NBEAL2: variants seen among roughly 807,000 people sequenced by gnomAD.
NBEAL2 encodes the protein neurobeachin-like protein 2.
In NBEAL2, 160 loss-of-function variants were observed where a neutral mutation model predicts 299.8. The ratio of observed to expected loss-of-function variants is 0.53; its 90% CI spans 0.47 to 0.61. The LOEUF (loss-of-function observed/expected upper bound fraction) is 0.61. NBEAL2 is among the 20% of genes least tolerant of loss of function. The pLI, the probability that NBEAL2 is intolerant of heterozygous loss-of-function variation, is 0.00. For synonymous variants in NBEAL2, 1,493 were observed against 1,542.3 expected (o/e 0.97, Z 0.75); for missense variants, 3,112 against 3,649.0 (o/e 0.85, Z 3.79).
In NBEAL2 at chr3:47,001,271, C is replaced by T. The variant is rs145760682; in HGVS notation, c.4485-8C>T. 4.8e-3 allele frequency: 7,651 copies of T among 1,602,400 alleles called. 30 individuals carry two copies. Among genetic ancestry groups the T allele is most frequent in the Non-Finnish European group, 5.9e-3 (6,857 of 1,171,046 alleles). ...GGTAGACCCTTGAGTTCCCCACTCACCCGCCAGCCTCCTGGAGATGATGCT... is the reference window on the plus strand; with the variant it reads ...GGTAGACCCTTGAGTTCCCCACTCATCCGCCAGCCTCCTGGAGATGATGCT... On this transcript the variant is annotated splice_region_variant and splice_polypyrimidine_tract_variant and intron_variant, in intron 28 of 53. Transcript: ENST00000450053. The surrounding 1 kb of genome is among the most constrained non-coding windows in gnomAD (Gnocchi z 6.1).
Position 47,001,662 on chromosome 3 carries a change from C to T in NBEAL2, c.4645-27C>T. The stretch of plus-strand genomic sequence containing the variant: ...GACTCCTGGCCTCCCCTGGTGATGT[C>T]TGTTGGGAACCTGTTTTCTGTGGCA... On this transcript the variant is annotated intron_variant, in intron 29 of 53. Transcript: ENST00000450053. This position sits in a 1 kb window ranked among gnomAD's most constrained non-coding sequence, Gnocchi z 6.1. 6.2e-7 allele frequency: 1 copy of T among 1,607,378 alleles called. No individual in the cohort carries two copies. The highest frequency in any genetic ancestry group is 8.5e-7 in the Non-Finnish European group (1 of 1,174,752).
At position 47,007,227 on chromosome 3, in the gene NBEAL2, C is replaced by G. The variant is rs1269713253; in HGVS notation, c.7225-14C>G. 1 of 1,610,546 alleles carries G rather than the reference C, an allele frequency of 6.2e-7. No homozygotes were observed. Among genetic ancestry groups the G allele is most frequent in the Non-Finnish European group, 8.5e-7 (1 of 1,178,358 alleles). On this transcript the variant is annotated splice_polypyrimidine_tract_variant and intron_variant, in intron 46 of 53. Coordinates refer to ENST00000450053, the MANE Select transcript of NBEAL2 (RefSeq NM_015175.3). ...CTCTGCCAGAAACCCACCTCTGCCCCCTCCTGCCTGCAGGTGACTGTGAGT... is the reference window on the plus strand; with the variant it reads ...CTCTGCCAGAAACCCACCTCTGCCCGCTCCTGCCTGCAGGTGACTGTGAGT...
At position 46,991,348 on chromosome 3, in the gene NBEAL2, A is replaced by G. The variant is rs987292453; in HGVS notation, c.642+44A>G. ...CTGTGGACTAGAGAGCAGCTCTTTCAGTATCTCTCTGCTGGGTGAGCCCCT... is the reference window on the plus strand; with the variant it reads ...CTGTGGACTAGAGAGCAGCTCTTTCGGTATCTCTCTGCTGGGTGAGCCCCT... On this transcript the variant is annotated intron_variant, in intron 7 of 53. Coordinates refer to ENST00000450053, the MANE Select transcript of NBEAL2 (RefSeq NM_015175.3). This position sits in a 1 kb window ranked among gnomAD's most constrained non-coding sequence, Gnocchi z 6.2. 4 of 1,585,092 alleles carry G rather than the reference A, an allele frequency of 2.5e-6. No homozygotes were observed. The highest frequency in any genetic ancestry group is 3.4e-6 in the Non-Finnish European group (4 of 1,165,188).
In NBEAL2 at chr3:46,997,543, C is replaced by A; in HGVS notation, c.2825-18C>A. On this transcript the variant is annotated intron_variant, in intron 19 of 53. Coordinates refer to ENST00000450053, the MANE Select transcript of NBEAL2 (RefSeq NM_015175.3). Reference sequence around the variant, plus strand: ...CAGGCCCTTGACACACATCTGTCCCCTTCCTGATGGCTGGCAGAGGAACGG... The same window carrying A: ...CAGGCCCTTGACACACATCTGTCCCATTCCTGATGGCTGGCAGAGGAACGG... The A allele has an allele frequency of 6.3e-7, 1 of 1,586,262 alleles. No individual in the cohort carries two copies. Among genetic ancestry groups the A allele is most frequent in the Non-Finnish European group, 8.6e-7 (1 of 1,160,414 alleles).
Position 47,008,781 on chromosome 3 carries a change from T to C in NBEAL2, c.8027+113T>C, listed in dbSNP as rs972269478. ...TGTTTGTGGGCACATATTTCAAGGT[T>C]TGTTACCTGTCCCTTCATCTTCCCA... On this transcript the variant is annotated intron_variant, in intron 52 of 53. Transcript: ENST00000450053. 3.3e-6 allele frequency: 5 copies of C among 1,507,606 alleles called. No homozygotes were observed. The East Asian group carries it at 1.2e-4, about 36-fold the overall frequency. The allele number at this position is 1,507,606 out of a possible 1,614,324, so 93.4% of individuals were successfully genotyped here.
Position 47,009,326 on chromosome 3 carries a change from G to A in NBEAL2, c.*6G>A. Reference sequence around the variant, plus strand: ...ACCCTACTGAGGCGCGCTGAACCTGGCCAGTCCGGCTGCTCGGGCCCCGCC... The same window carrying A: ...ACCCTACTGAGGCGCGCTGAACCTGACCAGTCCGGCTGCTCGGGCCCCGCC... On this transcript the variant is annotated 3_prime_UTR_variant, in exon 54 of 54. Transcript: ENST00000450053. 1.3e-6 allele frequency: 2 copies of A among 1,580,908 alleles called. No individual in the cohort carries two copies. Among genetic ancestry groups the A allele is most frequent in the Non-Finnish European group, 1.7e-6 (2 of 1,164,064 alleles).
Position 47,004,216 on chromosome 3 carries a change from C to T in NBEAL2, c.6021C>T (p.Gly2007=). ...NYFLNFPCKV[G]TTPVSSPSQT... ...TCCTCAACTTCCCATGCAAGGTGGG[C>T]ACGACCCCAGTCTCATCTCCTAGCC... Residue 2007 remains glycine (G), a synonymous_variant, in exon 37 of 54, where the codon GGC becomes GGT. Coordinates refer to ENST00000450053, the MANE Select transcript of NBEAL2 (RefSeq NM_015175.3). This position sits in a 1 kb window ranked among gnomAD's most constrained non-coding sequence, Gnocchi z 5.0. The T allele has an allele frequency of 1.2e-6, 2 of 1,613,798 alleles. No homozygotes were observed. The highest frequency in any genetic ancestry group is 1.7e-6 in the Non-Finnish European group (2 of 1,179,820).
intron 1 of NBEAL2, among the ~76,000 whole-genome samples, chr3:46,984,552 G>A (rs1472259085): frequency 6.6e-6 from 1 of 152,356 alleles, no homozygotes; most frequent in Admixed American, 6.5e-5. Context: ...TCCTGGTGAT[G>A]TAGCCAGAAG....
chr3:46,994,623 G>A, intron 12 of NBEAL2, 70 bp downstream of exon 12: 1 of 1,334,082 alleles, frequency 7.5e-7, no homozygotes, highest in Non-Finnish European at 1.0e-6. Flanking sequence ...CACAGATGGT[G>A]AGCTCTCCAC....
chr3:46,996,042 CCTCA>C lies in NBEAL2; in HGVS notation c.2143_2146del (p.Leu715ValfsTer103). ...AGACAGCACCCCTTCGCTGCCCCTC[CCTCA>C]GTGAGGTGTGCCAAGCAAGGTTTGG... On this transcript the variant is annotated frameshift_variant, in exon 15 of 54. Coordinates refer to ENST00000450053, the MANE Select transcript of NBEAL2 (RefSeq NM_015175.3). LOFTEE classifies it high-confidence loss of function. The C allele has an allele frequency of 6.2e-7, 1 of 1,606,154 alleles. No individual in the cohort carries two copies. The highest frequency in any genetic ancestry group is 8.5e-7 in the Non-Finnish European group (1 of 1,176,550).
At position 47,002,998 on chromosome 3, in the gene NBEAL2, C is replaced by T. The variant is rs1442542011; in HGVS notation, c.5501C>T (p.Thr1834Ile). 7 of 1,613,524 alleles carry T rather than the reference C, an allele frequency of 4.3e-6. No individual in the cohort carries two copies. Among genetic ancestry groups the T allele is most frequent in the Admixed American group, 1.7e-5 (1 of 60,000 alleles). The change falls in exon 34 of 54, where the codon ACA becomes ATA. Residue 1834 changes from threonine (T) to isoleucine (I), a missense_variant. Thr to Ile is a moderately conservative substitution (Grantham distance 89). This residue lies in a region of NBEAL2 where 2,243 missense variants were observed against 2,538.1 expected (regional missense o/e 0.88). Coordinates refer to ENST00000450053, the MANE Select transcript of NBEAL2 (RefSeq NM_015175.3). The part of the protein sequence containing the change: ...IPRWKLSSAE[T>I]YSRMRLKLVP... ...CGCTGGAAACTGTCCAGCGCCGAGACATATTCACGCATGCGTCTGAAGCTG... is the reference window on the plus strand; with the variant it reads ...CGCTGGAAACTGTCCAGCGCCGAGATATATTCACGCATGCGTCTGAAGCTG...
In NBEAL2 at chr3:47,001,062, G is replaced by A. The variant is rs117340996; in HGVS notation, c.4367G>A (p.Arg1456His). 1.2e-4 allele frequency: 200 copies of A among 1,612,592 alleles called. No homozygotes were observed. The East Asian group carries it at 2.8e-3, about 22-fold the overall frequency. The change falls in exon 28 of 54, where the codon CGT becomes CAT. Residue 1456 changes from arginine to histidine, a missense_variant. Transcript: ENST00000450053. The surrounding 1 kb of genome is among the most constrained non-coding windows in gnomAD (Gnocchi z 6.1). ...LTNVLFSVTWRGVEGSDEAAW... is the reference protein window; with the variant it reads ...LTNVLFSVTWHGVEGSDEAAW... Reference sequence around the variant, plus strand: ...AACGTGCTGTTCTCGGTGACGTGGCGTGGCGTGGAAGGCAGCGATGAGGCT... The same window carrying A: ...AACGTGCTGTTCTCGGTGACGTGGCATGGCGTGGAAGGCAGCGATGAGGCT...
rs775625069 is a variant in NBEAL2, at chr3:47,002,029, G to C, written c.4892G>C (p.Arg1631Pro). 1.9e-6 allele frequency: 3 copies of C among 1,569,772 alleles called. No individual in the cohort carries two copies. The highest frequency in any genetic ancestry group is 2.6e-6 in the Non-Finnish European group (3 of 1,157,854). ...TCCAAGCTGGAGGCTGCACTGGGGC[G>C]GGTGCTGAACACCTCTTCCTTGGAG... Reference protein sequence around the residue: ...VLSKLEAALGRVLNTSSLESA... With the variant: ...VLSKLEAALGPVLNTSSLESA... Residue 1631 changes from arginine (R) to proline (P), a missense_variant, in exon 31 of 54, where the codon CGG (arginine) becomes CCG (proline). Transcript: ENST00000450053.
rs1271886425 is a variant in NBEAL2 at position 46,998,837 on chromosome 3, G to C, written c.3342G>C (p.Gln1114His). Residue 1114 changes from glutamine (Q) to histidine (H), a missense_variant, in exon 23 of 54, where the codon CAG becomes CAC. Gln to His is a conservative substitution (Grantham distance 24). Transcript: ENST00000450053. ...CAGCAGATGACGTGCAGGTCACGCA[G>C]ACCATGCTGAGCTTTTTGGCGGCCA... Reference protein sequence around the residue: ...SLSADDVQVTQTMLSFLAATG... With the variant: ...SLSADDVQVTHTMLSFLAATG... 3 of 1,579,804 alleles carry C rather than the reference G, an allele frequency of 1.9e-6. 1 individual carries two copies. The Middle Eastern group carries it at 5.0e-4, about 262-fold the overall frequency.
chr3:46,998,400 C>T lies in NBEAL2; in HGVS notation c.3119-63C>T, dbSNP rs2036672035. 16 of 1,548,228 alleles carry T rather than the reference C, an allele frequency of 1.0e-5. 1 individual carries two copies. In the South Asian group the frequency reaches 1.7e-4, roughly 17 times the overall value. On this transcript the variant is annotated intron_variant, in intron 21 of 53. Coordinates refer to ENST00000450053, the MANE Select transcript of NBEAL2 (RefSeq NM_015175.3). ...AGTCTGACAGGCACATGGCCCTGGC[C>T]TGGAGGATCTGAAGGGCCCAGCTCA...
At chr3:47,005,142 G>T (rs1283905531) in intron 39 of NBEAL2, 39 bp from the exon 40 acceptor site, 1 of 1,613,822 alleles carries the variant, frequency 6.2e-7, no homozygotes, top group Non-Finnish European at 8.5e-7. Context: ...GGAAAGGCGA[G>T]GGGAGGGCTT....
At position 46,997,698 on chromosome 3, in the gene NBEAL2, G is replaced by A. The variant is rs774942180; in HGVS notation, c.2958+4G>A. On this transcript the variant is annotated splice_donor_region_variant and intron_variant, in intron 20 of 53. Coordinates refer to ENST00000450053, the MANE Select transcript of NBEAL2 (RefSeq NM_015175.3). Reference sequence around the variant, plus strand: ...CATCGGGGCCCTCCTGCGAAAGGTGGGGCCCGGTGGGACAGGCATGGGGGT... The same window carrying A: ...CATCGGGGCCCTCCTGCGAAAGGTGAGGCCCGGTGGGACAGGCATGGGGGT... 7.3e-6 allele frequency: 11 copies of A among 1,514,988 alleles called. No homozygotes were observed. In the South Asian group the frequency reaches 1.4e-4, roughly 20 times the overall value. 93.8% of individuals were successfully genotyped at this position (1,514,988 alleles called of 1,614,324 possible).
chr3:46,987,971 G>A lies in NBEAL2; in HGVS notation c.52-698G>A, dbSNP rs1342702116. 7.8e-6 allele frequency: 10 copies of A among 1,276,042 alleles called. No homozygotes were observed. The East Asian group carries it at 2.5e-4, about 31-fold the overall frequency. The allele number at this position is 1,276,042 out of a possible 1,614,324, so 79.0% of individuals were successfully genotyped here. ...GCTTCCTGCCCCAGCCCCGGGGCGG[G>A]AGGAGACATTTCCCGTTCACACCAA... On this transcript the variant is annotated intron_variant, in intron 1 of 53. Transcript: ENST00000450053.
At position 47,007,090 on chromosome 3, in the gene NBEAL2, G is replaced by A. The variant is rs754243817; in HGVS notation, c.7159G>A (p.Val2387Met). 8.7e-5 allele frequency: 141 copies of A among 1,612,632 alleles called. No homozygotes were observed. The highest frequency in any genetic ancestry group is 1.1e-4 in the Non-Finnish European group (135 of 1,179,388). ...AEVVSDGVPLVLALVPHRQPH... is the reference protein window; with the variant it reads ...AEVVSDGVPLMLALVPHRQPH... Reference sequence around the variant, plus strand: ...GGTTGTCAGTGATGGTGTACCCCTGGTGCTAGCCCTGGTCCCCCACCGGCA... The same window carrying A: ...GGTTGTCAGTGATGGTGTACCCCTGATGCTAGCCCTGGTCCCCCACCGGCA... The change falls in exon 46 of 54, where the codon GTG (valine) becomes ATG (methionine). Residue 2387 changes from valine (V) to methionine (M), a missense_variant. Physicochemically the swap from Val to Met is conservative, Grantham distance 21. Coordinates refer to ENST00000450053, the MANE Select transcript of NBEAL2 (RefSeq NM_015175.3).
Sources: gnomAD v4.1 joint callset for allele counts (sites outside exome capture counted in the v4.1 genomes callset) on GRCh38, gnomAD v4.1.1 for gene constraint, gnomAD v4.1.1 regional missense constraint, Gnocchi (gnomAD v3.1) non-coding constraint, MANE v1.5 for transcripts, NCBI Gene and HGNC (gene_info 2026-07-23, HGNC 2026-07-21) for gene names.